The following AP1G1 variants were observed in gnomAD, a reference collection of about 807,000 sequenced individuals.
AP1G1 encodes adaptor related protein complex 1 subunit gamma 1, also known as AP-1 complex subunit gamma-1.
Under a neutral mutation model 108.3 loss-of-function variants are expected in AP1G1, and 7 were observed. The observed-to-expected ratio is 0.06, with a 90% CI of 0.04 to 0.12. The LOEUF (loss-of-function observed/expected upper bound fraction) is 0.12. Among genes scored for constraint, AP1G1 ranks in the 10% least tolerant of loss-of-function variants. The pLI is 1.00. For missense variants in AP1G1, 756 were observed against 1,010.7 expected (o/e 0.75, Z 3.42); for synonymous variants, 379 against 353.5 (o/e 1.07, Z -0.81).
At chr16:71,785,441 TG>T (rs2032164228) in intron 2 of AP1G1, among the ~76,000 whole-genome samples, 1 of 151,818 alleles carries the variant, frequency 6.6e-6, no homozygotes, top group Non-Finnish European at 1.5e-5. Context: ...CCGGGTGTGG[TG>T]GCAGGTGCCT....
At chr16:71,803,863 G>A (rs2032897235) in intron 1 of AP1G1, among the ~76,000 whole-genome samples, 1 of 147,446 alleles carries the variant, frequency 6.8e-6, no homozygotes, top group South Asian at 2.2e-4. Context: ...GGCGGAGGTT[G>A]CAGTAAGCAG....
chr16:71,808,639 T>C (rs1274420438), intron 1 of AP1G1, 124 bp downstream of exon 1: 1 of 1,289,678 alleles, frequency 7.8e-7, no homozygotes, highest in South Asian at 1.2e-5. Flanking sequence ...CTCTGTCTTC[T>C]CTTCTCAACA....
chr16:71,749,117 C>A (rs916366281), intron 15 of AP1G1, among the ~76,000 whole-genome samples: 1 of 152,026 alleles, frequency 6.6e-6, no homozygotes, highest in Non-Finnish European at 1.5e-5. Context: ...CTGTGTTAGC[C>A]AGGATGGTCT....
At chr16:71,803,558 T>C (rs1311114741) in intron 1 of AP1G1, among the ~76,000 whole-genome samples, 3 of 152,190 alleles carry the variant, frequency 2.0e-5, no homozygotes, top group Non-Finnish European at 4.4e-5. Context: ...TAACCAGTTT[T>C]TCCAGCAACC....
intron 1 of AP1G1, 28 bp downstream of exon 1, chr16:71,808,735 T>C (rs1188045483): frequency 1.6e-6 from 2 of 1,288,516 alleles, no homozygotes; most frequent in East Asian, 5.6e-5. Flanking sequence ...AGCAGCAATA[T>C]GCTCTCAGCG....
rs559579789 is a variant in AP1G1 at position 71,730,255 on chromosome 16, C to A, written c.*2803G>T. ...CTTCTCAGGGAGAGCACCCTTCCTA[C>A]AGTTTTTTGAGATTACTTAGATGAA... On this transcript the variant is annotated 3_prime_UTR_variant, in exon 23 of 23. Transcript: ENST00000299980. 4 of 151,744 alleles carry A rather than the reference C, an allele frequency of 2.6e-5. No homozygotes were observed. Among genetic ancestry groups the A allele is most frequent in the Non-Finnish European group, 1.5e-5 (1 of 67,876 alleles). 9.4% of individuals were successfully genotyped at this position (151,744 alleles called of 1,614,324 possible).
intron 1 of AP1G1, among the ~76,000 whole-genome samples, chr16:71,800,019 G>A (rs1022954088): frequency 6.6e-5 from 10 of 151,504 alleles, no homozygotes; most frequent in South Asian, 2.1e-4. Context: ...CCAGGAGTTC[G>A]AGATCAGCCT....
chr16:71,754,020 C>A, intron 12 of AP1G1, 133 bp from the exon 13 acceptor site: 1 of 795,508 alleles, frequency 1.3e-6, no homozygotes, highest in South Asian at 1.6e-5. Flanking sequence ...TGGGAGATCA[C>A]CTGAGCTCAG....
rs2030626413 is a variant in AP1G1 at position 71,753,735 on chromosome 16, C to T, written c.1284+98G>A. The T allele has an allele frequency of 3.8e-6, 4 of 1,047,736 alleles. No individual in the cohort carries two copies. The East Asian group carries it at 9.6e-5, about 25-fold the overall frequency. 64.9% of individuals were successfully genotyped at this position (1,047,736 alleles called of 1,614,324 possible). A position where few individuals can be genotyped will look rare whatever the true frequency, so the allele number is the denominator to read the frequency against. ...AACTGACATTAATGTTACCTATTTA[C>T]TTGTGAATTTCTTACCTCCCTGACT... On this transcript the variant is annotated intron_variant, in intron 13 of 22. Coordinates refer to ENST00000299980, the MANE Select transcript of AP1G1 (RefSeq NM_001128.6).
chr16:71,741,439 C>T (rs945945676), intron 19 of AP1G1, among the ~76,000 whole-genome samples: 15 of 151,994 alleles, frequency 9.9e-5, no homozygotes, highest in Non-Finnish European at 2.2e-4. Flanking sequence ...AAAAATTAGC[C>T]GGGTGTGGTG....
At chr16:71,776,692 T>C (rs1389035685) in intron 2 of AP1G1, among the ~76,000 whole-genome samples, 1 of 152,220 alleles carries the variant, frequency 6.6e-6, no homozygotes, top group Non-Finnish European at 1.5e-5. Context: ...AGATAAATTA[T>C]CCAAAAATAT....
intron 5 of AP1G1, among the ~76,000 whole-genome samples, chr16:71,770,198 C>T (rs2031516849): frequency 6.6e-6 from 1 of 152,156 alleles, no homozygotes; most frequent in African/African-American, 2.4e-5. Context: ...ATGCTTTTCA[C>T]TAAATAATAA....
chr16:71,801,192 A>T (rs1267609029), intron 1 of AP1G1, among the ~76,000 whole-genome samples: 1 of 152,148 alleles, frequency 6.6e-6, no homozygotes, highest in Non-Finnish European at 1.5e-5. Context: ...CTATAATCCC[A>T]GCTACTCTGA....
chr16:71,746,374 T>G (rs4788553), intron 17 of AP1G1, among the ~76,000 whole-genome samples: 129,989 of 152,270 alleles, frequency 0.85, 55,647 homozygotes, highest in East Asian at 0.99. Context: ...AAAGTGTAAG[T>G]GTTGGAGGTG....
At chr16:71,735,766 C>T (rs71386928) in intron 21 of AP1G1, among the ~76,000 whole-genome samples, 1 of 151,930 alleles carries the variant, frequency 6.6e-6, no homozygotes, top group African/African-American at 2.4e-5. Flanking sequence ...GATTAAACTT[C>T]TAAAATATTT....
At chr16:71,805,822 C>T (rs1185436895) in intron 1 of AP1G1, among the ~76,000 whole-genome samples, 1 of 151,982 alleles carries the variant, frequency 6.6e-6, no homozygotes, top group Non-Finnish European at 1.5e-5. Context: ...ATTGCTTGAG[C>T]CCAGCCTGGG....
chr16:71,767,594 C>T (rs1469272287), intron 6 of AP1G1, among the ~76,000 whole-genome samples: 2 of 152,110 alleles, frequency 1.3e-5, no homozygotes, highest in Non-Finnish European at 2.9e-5. Flanking sequence ...TGGGAAACTG[C>T]TCAAAGTTTC....
chr16:71,804,187 C>T (rs2032914703), intron 1 of AP1G1, among the ~76,000 whole-genome samples: 1 of 150,176 alleles, frequency 6.7e-6, no homozygotes, highest in African/African-American at 2.4e-5. Flanking sequence ...GCTGGGACTA[C>T]AGGCGCGCAC....
chr16:71,750,020 A>C, intron 14 of AP1G1, 37 bp from the exon 15 acceptor site: 1 of 1,567,484 alleles, frequency 6.4e-7, no homozygotes, highest in South Asian at 1.1e-5. Flanking sequence ...CAAGAACTTC[A>C]ATTTTTCCAA....
Sources: allele counts gnomAD v4.1 joint callset (sites outside exome capture counted in the v4.1 genomes callset), GRCh38; gene constraint gnomAD v4.1.1; transcripts MANE v1.5; gene names NCBI Gene and HGNC (gene_info 2026-07-23, HGNC 2026-07-21).